PPP1R36: variants seen among roughly 807,000 people sequenced by gnomAD.
PPP1R36 encodes the protein protein phosphatase 1 regulatory subunit 36, also known as chromosome 14 open reading frame 50.
Under a neutral mutation model 53.4 loss-of-function variants are expected in PPP1R36, and 47 were observed. That is an observed-to-expected ratio of 0.88 (90% confidence interval 0.70 to 1.12). PPP1R36 has a LOEUF of 1.12. Among genes scored for constraint, PPP1R36 ranks in the 50% most tolerant of loss-of-function variants. PPP1R36 has a pLI of 0.00. For synonymous variants in PPP1R36, 153 were observed against 170.5 expected (o/e 0.90, Z 0.80); for missense variants, 456 against 513.9 (o/e 0.89, Z 1.09).
intron 11 of PPP1R36, chr14:64,588,555 ATT>A (rs34440209): frequency 0.015 from 2,260 of 149,264 alleles, no homozygotes; most frequent in Middle Eastern, 0.029. Flanking sequence ...TGAGTAACTG[ATT>A]TTTTTTTTTT....
Position 64,565,370 on chromosome 14 carries a change from A to C in PPP1R36, c.283A>C (p.Arg95=). ...ATTCCAAAACAGGTTGACAGATAAA[A>C]GACTTGCTGCAAAAGATGATAAGTC... ...GPASDRLTDK[R]LAAKDDKSAK... The change falls in exon 5 of 12, where the codon AGA becomes CGA. Residue 95 remains arginine, a synonymous_variant. Coordinates refer to ENST00000298705, the MANE Select transcript of PPP1R36 (RefSeq NM_172365.3). 1 of 1,612,274 alleles carries C rather than the reference A, an allele frequency of 6.2e-7. No homozygotes were observed. Among genetic ancestry groups the C allele is most frequent in the Non-Finnish European group, 8.5e-7 (1 of 1,178,780 alleles).
At chr14:64,559,123 G>A (rs549750944) in intron 3 of PPP1R36, among the ~76,000 whole-genome samples, 83 of 152,256 alleles carry the variant, frequency 5.5e-4, no homozygotes, top group South Asian at 1.2e-3. Context: ...GGTGGGACTG[G>A]GATCAAGATC....
chr14:64,587,259 T>TGAA lies in PPP1R36; in HGVS notation c.785_787dup (p.Glu262dup). The TGAA allele has an allele frequency of 6.2e-7, 1 of 1,613,660 alleles. No individual in the cohort carries two copies. Among genetic ancestry groups the TGAA allele is most frequent in the Non-Finnish European group, 8.5e-7 (1 of 1,179,604 alleles). Reference sequence around the variant, plus strand: ...TCCGACGTCAACACTTGACAGAGATTGAAGAAGAAGTAGGGAGACTCTTTC... The same window carrying TGAA: ...TCCGACGTCAACACTTGACAGAGATTGAAGAAGAAGAAGTAGGGAGACTCTTTC... On this transcript the variant is annotated inframe_insertion, in exon 10 of 12. Coordinates refer to ENST00000298705, the MANE Select transcript of PPP1R36 (RefSeq NM_172365.3).
chr14:64,576,494 A>C (rs554613505), intron 8 of PPP1R36, among the ~76,000 whole-genome samples: 69 of 152,326 alleles, frequency 4.5e-4, no homozygotes, highest in African/African-American at 1.6e-3. Flanking sequence ...ATATTAGTTT[A>C]TAAAGTTAAA....
intron 3 of PPP1R36, among the ~76,000 whole-genome samples, chr14:64,554,255 G>C (rs374763730): frequency 6.8e-6 from 1 of 147,634 alleles, no homozygotes; most frequent in East Asian, 2.1e-4. Context: ...GGGTTCAAGC[G>C]ATTCTCTTGC....
At chr14:64,560,103 C>CAAAAAAAAAAAAA (rs1171697200) in intron 3 of PPP1R36, among the ~76,000 whole-genome samples, 7 of 27,474 alleles carry the variant, frequency 2.5e-4, no homozygotes, top group Non-Finnish European at 5.1e-4. Context: ...GAATCTGTCA[C>CAAAAAAAAAAAAA]AAAAAAAAAA....
intron 7 of PPP1R36, 109 bp from the exon 8 acceptor site, chr14:64,574,346 C>G: frequency 8.7e-7 from 1 of 1,147,758 alleles, no homozygotes; most frequent in South Asian, 1.5e-5. Context: ...CAGAGCAAGA[C>G]TCTGTCTTAA....
At chr14:64,558,117 G>C (rs1596725851) in intron 3 of PPP1R36, among the ~76,000 whole-genome samples, 1 of 152,218 alleles carries the variant, frequency 6.6e-6, no homozygotes, top group African/African-American at 2.4e-5. Flanking sequence ...CAGTGTCACA[G>C]GCTGGAGAGT....
intron 3 of PPP1R36, among the ~76,000 whole-genome samples, chr14:64,557,822 AAG>A: frequency 6.6e-6 from 1 of 152,280 alleles, no homozygotes; most frequent in African/African-American, 2.4e-5. Context: ...TAGCCTGGCC[AAG>A]ATGGTAAAAC....
chr14:64,551,572 G>T, intron 2 of PPP1R36: 1 of 456,142 alleles, frequency 2.2e-6, no homozygotes, highest in South Asian at 1.5e-5. Context: ...CCAGATATTT[G>T]CATATTTTTC....
intron 3 of PPP1R36, among the ~76,000 whole-genome samples, chr14:64,559,173 T>G (rs2080183638): frequency 6.6e-6 from 1 of 152,044 alleles, no homozygotes; most frequent in African/African-American, 2.4e-5. Flanking sequence ...GCTTTTCCAC[T>G]GGGTGGTGGG....
chr14:64,578,246 G>A (rs2080359221), intron 8 of PPP1R36, among the ~76,000 whole-genome samples: 2 of 152,178 alleles, frequency 1.3e-5, no homozygotes, highest in South Asian at 2.1e-4. Context: ...GTGCCACCAT[G>A]CTTGGCACTT....
At chr14:64,555,539 C>T (rs2080142282) in intron 3 of PPP1R36, among the ~76,000 whole-genome samples, 1 of 152,174 alleles carries the variant, frequency 6.6e-6, no homozygotes, top group Non-Finnish European at 1.5e-5. Context: ...GTGAGCTACA[C>T]TTTTCTTTTT....
At chr14:64,579,131 A>G (rs1161851622) in intron 8 of PPP1R36, among the ~76,000 whole-genome samples, 1 of 152,200 alleles carries the variant, frequency 6.6e-6, no homozygotes, top group Non-Finnish European at 1.5e-5. Flanking sequence ...TGGTAGGAGG[A>G]GGGAGAGGAG....
At chr14:64,580,050 A>G (rs997990683) in intron 8 of PPP1R36, among the ~76,000 whole-genome samples, 2 of 152,248 alleles carry the variant, frequency 1.3e-5, no homozygotes, top group Non-Finnish European at 2.9e-5. Context: ...CTGTAATCCC[A>G]GCACTTTGGG....
At chr14:64,577,026 A>G (rs2080346969) in intron 8 of PPP1R36, among the ~76,000 whole-genome samples, 1 of 152,216 alleles carries the variant, frequency 6.6e-6, no homozygotes, top group East Asian at 1.9e-4. Context: ...GCTTATAAAC[A>G]ACAGAAATGT....
At position 64,589,371 on chromosome 14, in the gene PPP1R36, T is replaced by C. The variant is rs763101735; in HGVS notation, c.*33T>C. 2 of 1,464,672 alleles carry C rather than the reference T, an allele frequency of 1.4e-6. No homozygotes were observed. 90.7% of individuals were successfully genotyped at this position (1,464,672 alleles called of 1,614,324 possible). A position where few individuals can be genotyped will look rare whatever the true frequency, so the allele number is the denominator to read the frequency against. ...CATTCCATATCTCAAGTAAACTACTTTGACTTTATAGAAGATGGTTATTCG... is the reference window on the plus strand; with the variant it reads ...CATTCCATATCTCAAGTAAACTACTCTGACTTTATAGAAGATGGTTATTCG... On this transcript the variant is annotated 3_prime_UTR_variant, in exon 12 of 12. Transcript: ENST00000298705.
intron 3 of PPP1R36, chr14:64,559,552 G>C (rs1186246993): frequency 6.6e-6 from 1 of 152,396 alleles, no homozygotes; most frequent in Non-Finnish European, 1.5e-5. Flanking sequence ...AATTGGCAAG[G>C]TAAAAGGCCA....
chr14:64,586,893 G>C lies in PPP1R36; in HGVS notation c.711+14G>C, dbSNP rs2080437820. 6.2e-7 allele frequency: 1 copy of C among 1,606,644 alleles called. No homozygotes were observed. Among genetic ancestry groups the C allele is most frequent in the Non-Finnish European group, 8.5e-7 (1 of 1,173,970 alleles). On this transcript the variant is annotated intron_variant, in intron 9 of 11. Transcript: ENST00000298705. ...AAGTTCTTTGAGGTGAGTCACTTAT[G>C]TTTTGGTGCTTTTTGATATGAAACA... is the stretch of plus-strand genomic sequence containing the variant.
Sources: gnomAD v4.1 joint callset for allele counts (sites outside exome capture counted in the v4.1 genomes callset) on GRCh38, gnomAD v4.1.1 for gene constraint, MANE v1.5 for transcripts, NCBI Gene and HGNC (gene_info 2026-07-23, HGNC 2026-07-21) for gene names.